RALGPS2: variants seen among roughly 807,000 people sequenced by gnomAD.
RALGPS2 encodes Ral GEF with PH domain and SH3 binding motif 2, also known as ras-specific guanine nucleotide-releasing factor RalGPS2.
A neutral mutation model predicts 86.8 loss-of-function variants in RALGPS2; 43 were observed. The ratio of observed to expected loss-of-function variants is 0.50; its 90% confidence interval spans 0.39 to 0.64. RALGPS2 has a LOEUF of 0.64. RALGPS2 is among the 30% of genes least tolerant of loss of function. The pLI is 0.00. For missense variants in RALGPS2, 536 were observed against 694.6 expected (o/e 0.77, Z 2.57); for synonymous variants, 243 against 231.3 (o/e 1.05, Z -0.46).
Position 178,918,431 on chromosome 1 carries a change from A to C in RALGPS2, c.*2072A>C, listed in dbSNP as rs1660880706. On this transcript the variant is annotated 3_prime_UTR_variant, in exon 20 of 20. Transcript: ENST00000367635. Reference sequence around the variant, plus strand: ...TTTGTTTGTCATAATAAGCTAACGTAGAAATGTTGTAGGTTAACCATATCT... The same window carrying C: ...TTTGTTTGTCATAATAAGCTAACGTCGAAATGTTGTAGGTTAACCATATCT... The C allele has an allele frequency of 6.6e-6, 1 of 152,140 alleles. No individual in the cohort carries two copies. 9.4% of individuals were successfully genotyped at this position (152,140 alleles called of 1,614,324 possible).
intron 15 of RALGPS2, among the ~76,000 whole-genome samples, chr1:178,892,601 T>C (rs1659764019): frequency 6.6e-6 from 1 of 152,148 alleles, no homozygotes; most frequent in African/African-American, 2.4e-5. Flanking sequence ...TGATAGTTTT[T>C]GAATGAACAA....
chr1:178,848,325 G>A (rs1006887246), intron 8 of RALGPS2, among the ~76,000 whole-genome samples: 2 of 151,910 alleles, frequency 1.3e-5, no homozygotes, highest in Non-Finnish European at 2.9e-5. Context: ...AAAACAAAAA[G>A]AAAAATTAAG....
intron 3 of RALGPS2, 61 bp downstream of exon 3, chr1:178,784,583 A>T: frequency 3.8e-6 from 5 of 1,304,460 alleles, no homozygotes; most frequent in Non-Finnish European, 5.2e-6. Flanking sequence ...GGTGCTATTG[A>T]GTTAGAATTT....
At chr1:178,795,634 G>A (rs949702755) in intron 4 of RALGPS2, among the ~76,000 whole-genome samples, 10 of 151,862 alleles carry the variant, frequency 6.6e-5, no homozygotes, top group Non-Finnish European at 1.2e-4. Context: ...GGCTTGTCTC[G>A]AACACCTGAC....
intron 4 of RALGPS2, among the ~76,000 whole-genome samples, chr1:178,790,205 G>A (rs1572335585): frequency 1.3e-5 from 2 of 152,088 alleles, no homozygotes; most frequent in Admixed American, 1.3e-4. Flanking sequence ...TTCTGCCTTG[G>A]CCTGCCAAAG....
intron 8 of RALGPS2, among the ~76,000 whole-genome samples, chr1:178,861,451 T>G (rs1016218014): frequency 1.5e-5 from 2 of 135,668 alleles, no homozygotes; most frequent in African/African-American, 5.5e-5. Flanking sequence ...CATTCGTGGG[T>G]TTTTTTTTTT....
chr1:178,884,590 T>C lies in RALGPS2; in HGVS notation c.905-486T>C, dbSNP rs1376068981. ...TCTTTTTATTCTTAAAGTGCTGTTT[T>C]GCACTTTTATAATATTCTTTTATTT... On this transcript the variant is annotated intron_variant, in intron 11 of 19. Coordinates refer to ENST00000367635, the MANE Select transcript of RALGPS2 (RefSeq NM_152663.5). Among the ~76,000 whole-genome samples the C allele has an allele frequency of 6.6e-5, 10 of 152,240 alleles. No homozygotes were observed. The South Asian group carries it at 2.1e-3, about 31-fold the overall frequency.
rs1207321677 is a variant in RALGPS2, at chr1:178,819,663, C to T, written c.388-1949C>T. On this transcript the variant is annotated intron_variant, in intron 6 of 19. Coordinates refer to ENST00000367635, the MANE Select transcript of RALGPS2 (RefSeq NM_152663.5). Reference sequence around the variant, plus strand: ...TAAGTATTCCTTACTTTATTGCTAGCTTTACAGTGAATTTTCATAAGATGT... The same window carrying T: ...TAAGTATTCCTTACTTTATTGCTAGTTTTACAGTGAATTTTCATAAGATGT... 2.6e-5 allele frequency among the ~76,000 whole-genome samples: 4 copies of T among 152,270 alleles called. No individual in the cohort carries two copies. In the East Asian group the frequency reaches 7.7e-4, roughly 29 times the overall value.
At chr1:178,795,179 CAAA>C (rs112878630) in intron 4 of RALGPS2, among the ~76,000 whole-genome samples, 1 of 122,186 alleles carries the variant, frequency 8.2e-6, no homozygotes, top group Non-Finnish European at 1.8e-5. Context: ...GACTCTGTCT[CAAA>C]AAAAAAAAAG....
chr1:178,909,569 G>A (rs1227750836), intron 19 of RALGPS2, among the ~76,000 whole-genome samples: 1 of 151,446 alleles, frequency 6.6e-6, no homozygotes, highest in Non-Finnish European at 1.5e-5. Flanking sequence ...CCATGAGCAT[G>A]GAATGCTTTT....
chr1:178,746,411 A>G (rs1001187634), intron 1 of RALGPS2, among the ~76,000 whole-genome samples: 2 of 152,200 alleles, frequency 1.3e-5, no homozygotes. Context: ...GTACAATACA[A>G]AGTAATCTCT....
intron 1 of RALGPS2, among the ~76,000 whole-genome samples, chr1:178,762,359 T>G (rs1042738697): frequency 3.9e-5 from 6 of 152,206 alleles, no homozygotes; most frequent in Non-Finnish European, 7.3e-5. Context: ...TATATTCTTT[T>G]GGGTATATAC....
At chr1:178,787,463 C>T (rs1373043564) in intron 4 of RALGPS2, among the ~76,000 whole-genome samples, 1 of 152,180 alleles carries the variant, frequency 6.6e-6, no homozygotes, top group South Asian at 2.1e-4. Flanking sequence ...AGATATCTTA[C>T]ATTCTTTTTT....
At chr1:178,738,898 A>T (rs1173854387) in intron 1 of RALGPS2, among the ~76,000 whole-genome samples, 1 of 152,200 alleles carries the variant, frequency 6.6e-6, no homozygotes, top group Non-Finnish European at 1.5e-5. Flanking sequence ...GGAGTAAATT[A>T]TTCGTTATAC....
chr1:178,822,009 C>A (rs541724990), intron 7 of RALGPS2, among the ~76,000 whole-genome samples: 2 of 152,048 alleles, frequency 1.3e-5, no homozygotes, highest in South Asian at 4.2e-4. Context: ...GGTATGAATA[C>A]AAAAAAATTG....
chr1:178,868,851 T>TGG (rs938367391), intron 8 of RALGPS2, among the ~76,000 whole-genome samples: 7 of 152,136 alleles, frequency 4.6e-5, no homozygotes, highest in Non-Finnish European at 8.8e-5. Context: ...ACAAAAGTAT[T>TGG]GGCTTCACTG....
At chr1:178,852,280 A>G (rs1657222473) in intron 8 of RALGPS2, among the ~76,000 whole-genome samples, 1 of 152,108 alleles carries the variant, frequency 6.6e-6, no homozygotes, top group South Asian at 2.1e-4. Flanking sequence ...ATTCCCACCT[A>G]ACAAATTGTT....
In RALGPS2 at chr1:178,911,342, A is replaced by G. The variant is rs544288324; in HGVS notation, c.1722+4475A>G. ...TTTTGTTTTTCTAGTTCCTCAAGGT[A>G]TGATGTTAGGTTGTTAATTTGAGCT... On this transcript the variant is annotated intron_variant, in intron 19 of 19. Transcript: ENST00000367635. Among the ~76,000 whole-genome samples the G allele has an allele frequency of 2.0e-3, 306 of 152,042 alleles. 1 individual carries two copies. The highest frequency in any genetic ancestry group is 7.1e-3 in the African/African-American group (294 of 41,476).
chr1:178,732,174 C>T (rs1028580650), intron 1 of RALGPS2, among the ~76,000 whole-genome samples: 5 of 151,932 alleles, frequency 3.3e-5, no homozygotes, highest in Non-Finnish European at 7.4e-5. Context: ...AGGAATAATA[C>T]ATGACATAGT....
Sources: allele counts gnomAD v4.1 joint callset (sites outside exome capture counted in the v4.1 genomes callset), GRCh38; gene constraint gnomAD v4.1.1; transcripts MANE v1.5; gene names NCBI Gene and HGNC (gene_info 2026-07-23, HGNC 2026-07-21).